Variants in WWOX observed in about 807,000 individuals in gnomAD.
WWOX encodes WW domain-containing oxidoreductase.
WWOX carries 69 observed loss-of-function variants against 46.2 expected under a neutral mutation model. The observed-to-expected ratio is 1.49, with a 90% CI of 1.23 to 1.82. WWOX has a LOEUF of 1.82. WWOX is among the 40% of genes most tolerant of loss of function. The pLI, the probability that WWOX is intolerant of heterozygous loss-of-function variation, is 0.00. For synonymous variants in WWOX, 359 were observed against 202.6 expected (o/e 1.77, Z -6.56); for missense variants, 919 against 542.6 (o/e 1.69, Z -6.89).
At chr16:78,740,691 C>A (rs1268928887) in intron 8 of WWOX, among the ~76,000 whole-genome samples, 4 of 152,052 alleles carry the variant, frequency 2.6e-5, no homozygotes, top group Non-Finnish European at 5.9e-5. Context: ...TGCCAGTTGG[C>A]CGATTGAAGC....
intron 8 of WWOX, among the ~76,000 whole-genome samples, chr16:78,449,067 T>C (rs2083627469): frequency 6.6e-6 from 1 of 152,120 alleles, no homozygotes; most frequent in Non-Finnish European, 1.5e-5. Context: ...TTATACCAGG[T>C]AACAATCTCA....
chr16:78,718,090 T>A (rs1381651238), intron 8 of WWOX, among the ~76,000 whole-genome samples: 1 of 151,224 alleles, frequency 6.6e-6, no homozygotes, highest in Non-Finnish European at 1.5e-5. Context: ...GGGGTTCTGG[T>A]GGTTGTATTT....
chr16:79,196,460 A>C (rs1038235865), intron 8 of WWOX: 1 of 119,228 alleles, frequency 8.4e-6, no homozygotes, highest in Non-Finnish European at 1.8e-5. Context: ...TGGAGGCCCC[A>C]GGGTTATCTC....
At chr16:78,595,735 A>G (rs1221323922) in intron 8 of WWOX, among the ~76,000 whole-genome samples, 1 of 152,172 alleles carries the variant, frequency 6.6e-6, no homozygotes, top group Non-Finnish European at 1.5e-5. Context: ...ACATGGTGTA[A>G]TGATTGACTC....
chr16:78,740,020 C>G (rs150354086), intron 8 of WWOX, among the ~76,000 whole-genome samples: 290 of 152,210 alleles, frequency 1.9e-3, no homozygotes, highest in Middle Eastern at 6.8e-3. Flanking sequence ...TGTGGTGTGC[C>G]TCCTGCTGTC....
chr16:78,208,115 A>G (rs1350456134), intron 5 of WWOX, among the ~76,000 whole-genome samples: 2 of 152,222 alleles, frequency 1.3e-5, no homozygotes, highest in East Asian at 3.9e-4. Context: ...ATCTGGCCTC[A>G]GCAGTGCTCT....
rs746368866 is a variant in WWOX, at chr16:78,823,710, T to C, written c.1057-387898T>C. On this transcript the variant is annotated intron_variant, in intron 8 of 8. Transcript: ENST00000566780. The stretch of plus-strand genomic sequence containing the variant: ...AAGGCCCGCCGAGCCTGAGCTGATA[T>C]GCATGTCTTAACTTTGCTGTTTCTC... 2.0e-5 allele frequency among the ~76,000 whole-genome samples: 3 copies of C among 152,154 alleles called. No individual in the cohort carries two copies. In the East Asian group the frequency reaches 5.8e-4, roughly 29 times the overall value.
chr16:79,074,216 A>T (rs907363909), intron 8 of WWOX, among the ~76,000 whole-genome samples: 1 of 151,032 alleles, frequency 6.6e-6, no homozygotes, highest in African/African-American at 2.4e-5. Flanking sequence ...ATGTGGAAGG[A>T]ACCTGGATTT....
chr16:78,702,968 GTAGA>G (rs1338837442), intron 8 of WWOX, among the ~76,000 whole-genome samples: 2 of 152,134 alleles, frequency 1.3e-5, no homozygotes, highest in African/African-American at 4.8e-5. Context: ...ACTTGCTCTT[GTAGA>G]TCATCATAGG....
intron 8 of WWOX, among the ~76,000 whole-genome samples, chr16:78,569,967 G>A (rs1051347687): frequency 6.6e-6 from 1 of 152,236 alleles, no homozygotes; most frequent in Non-Finnish European, 1.5e-5. Context: ...TGTGATAAGA[G>A]ATGGTTTCCA....
intron 8 of WWOX, among the ~76,000 whole-genome samples, chr16:79,147,654 T>C (rs540089901): frequency 6.6e-6 from 1 of 152,334 alleles, no homozygotes; most frequent in Admixed American, 6.5e-5. Flanking sequence ...ATGATTAGTT[T>C]GTATAAGAAA....
intron 8 of WWOX, among the ~76,000 whole-genome samples, chr16:78,950,533 T>TACACACACACAC (rs141591649): frequency 4.8e-5 from 7 of 146,960 alleles, no homozygotes; most frequent in African/African-American, 7.5e-5. Context: ...CACACACACA[T>TACACACACACAC]ACACACACAC....
At chr16:78,693,848 T>C (rs1301352372) in intron 8 of WWOX, among the ~76,000 whole-genome samples, 2 of 152,156 alleles carry the variant, frequency 1.3e-5, no homozygotes, top group Non-Finnish European at 1.5e-5. Context: ...AAGCTGTGAA[T>C]ACCCTCTCTT....
At chr16:79,046,728 C>G (rs773911236) in intron 8 of WWOX, among the ~76,000 whole-genome samples, 10 of 152,260 alleles carry the variant, frequency 6.6e-5, no homozygotes, top group Middle Eastern at 3.4e-3. Context: ...CCATTCAGCT[C>G]CCACCTCTTT....
intron 8 of WWOX, among the ~76,000 whole-genome samples, chr16:79,053,462 T>C (rs2048207205): frequency 6.6e-6 from 1 of 152,210 alleles, no homozygotes; most frequent in Non-Finnish European, 1.5e-5. Context: ...TAGGAAACTT[T>C]AGATTAATTA....
rs138323636 is a variant in WWOX at position 78,644,220 on chromosome 16, C to G, written c.1056+211468C>G. 6.4e-3 allele frequency among the ~76,000 whole-genome samples: 975 copies of G among 151,704 alleles called. 13 individuals carry two copies. Among genetic ancestry groups the G allele is most frequent in the African/African-American group, 0.022 (904 of 41,120 alleles). On this transcript the variant is annotated intron_variant, in intron 8 of 8. Coordinates refer to ENST00000566780, the MANE Select transcript of WWOX (RefSeq NM_016373.4). ...CTGGGCAACGAGCGAAACTCTGTCT[C>G]AAAAATGAATGAATGAATGAATGAA...
chr16:78,963,828 A>G (rs12448124), intron 8 of WWOX, among the ~76,000 whole-genome samples: 50,077 of 152,050 alleles, frequency 0.33, 9,494 homozygotes, highest in East Asian at 0.48. Flanking sequence ...CTTGAATCGT[A>G]TCTCCCAGAA....
intron 8 of WWOX, among the ~76,000 whole-genome samples, chr16:79,153,448 C>G (rs943677621): frequency 2.0e-5 from 3 of 152,274 alleles, no homozygotes; most frequent in Non-Finnish European, 2.9e-5. Flanking sequence ...TGGGGTCATA[C>G]CAAGTCATTT....
At chr16:78,526,882 A>G in intron 8 of WWOX, among the ~76,000 whole-genome samples, 1 of 152,272 alleles carries the variant, frequency 6.6e-6, no homozygotes, top group South Asian at 2.1e-4. Flanking sequence ...TGTGCCAGCG[A>G]GGGCAGGTGC....
Sources: allele counts gnomAD v4.1 joint callset (sites outside exome capture counted in the v4.1 genomes callset), GRCh38; gene constraint gnomAD v4.1.1; transcripts MANE v1.5; gene names NCBI Gene and HGNC (gene_info 2026-07-23, HGNC 2026-07-21).